The following ERICH3 variants were observed in gnomAD, a reference collection of about 807,000 sequenced individuals.
ERICH3 encodes the protein glutamate rich 3.
ERICH3 carries 126 observed loss-of-function variants against 131.1 expected under a neutral mutation model. The observed-to-expected ratio is 0.96, with a 90% CI of 0.83 to 1.11. The LOEUF is 1.11. ERICH3 is among the 50% of genes most tolerant of loss of function. The probability of loss-of-function intolerance (pLI) is 0.00; values close to 1 mark genes in which losing one functional copy is unlikely to be tolerated. For synonymous variants in ERICH3, 695 were observed against 644.6 expected, an observed-to-expected ratio of 1.08 and a Z score of -1.18; for missense variants, 2,050 against 1,810.7, an observed-to-expected ratio of 1.13 and a Z score of -2.40.
chr1:74,644,098 G>A (rs1406478910), intron 3 of ERICH3, among the ~76,000 whole-genome samples: 1 of 151,984 alleles, frequency 6.6e-6, no homozygotes, highest in African/African-American at 2.4e-5. Flanking sequence ...ATATTTGAGA[G>A]TGTTTTATTC....
At chr1:74,648,447 G>A (rs1162674136) in intron 2 of ERICH3, among the ~76,000 whole-genome samples, 4 of 152,054 alleles carry the variant, frequency 2.6e-5, no homozygotes, top group South Asian at 4.1e-4. Flanking sequence ...TGGCAAGCTC[G>A]GTTTCAGCCA....
At position 74,594,699 on chromosome 1, in the gene ERICH3, G is replaced by A. The variant is rs542401636; in HGVS notation, c.1727-4619C>T. 2.6e-5 allele frequency among the ~76,000 whole-genome samples: 4 copies of A among 152,184 alleles called. No homozygotes were observed. In the South Asian group the frequency reaches 8.3e-4, roughly 32 times the overall value. ...TTGGTTCACTCTAACAGTGACTGCT[G>A]ATAACTCTCTCAGAAACTATTGCCA... On this transcript the variant is annotated intron_variant, in intron 11 of 14. Transcript: ENST00000326665.
intron 1 of ERICH3, among the ~76,000 whole-genome samples, chr1:74,656,450 G>A (rs145434001): frequency 7.9e-5 from 12 of 152,228 alleles, no homozygotes; most frequent in South Asian, 2.1e-4. Context: ...ATCGCATGGC[G>A]GAAGGTGGAA....
intron 7 of ERICH3, among the ~76,000 whole-genome samples, chr1:74,627,789 A>G (rs1649466691): frequency 6.6e-6 from 1 of 152,152 alleles, no homozygotes; most frequent in African/African-American, 2.4e-5. Flanking sequence ...TTGAAGACAA[A>G]CTGTATAGCC....
rs750379519 is a variant in ERICH3, at chr1:74,571,386, A to G, written c.4324T>C (p.Ser1442Pro). The G allele has an allele frequency of 6.2e-7, 1 of 1,613,644 alleles. No homozygotes were observed. Among genetic ancestry groups the G allele is most frequent in the Non-Finnish European group, 8.5e-7 (1 of 1,179,910 alleles). Residue 1442 changes from serine to proline, a missense_variant, in exon 14 of 15, where the codon TCA becomes CCA. By Grantham distance (74) the Ser-to-Pro change is moderately conservative (BLOSUM62 -1). Transcript: ENST00000326665. ...TCCTCTTGCTCCTGTCCTAGCCCTG[A>G]GGTCTTCCGCTCCAGGGCTCCTGGA... ...GTPGALERKT[S>P]GLGQEQEEGS...
chr1:74,645,878 A>G (rs1646478426), intron 3 of ERICH3, among the ~76,000 whole-genome samples: 1 of 152,064 alleles, frequency 6.6e-6, no homozygotes, highest in African/African-American at 2.4e-5. Context: ...TGATGATTCT[A>G]CAGTTGTTCA....
intron 1 of ERICH3, among the ~76,000 whole-genome samples, chr1:74,665,625 G>C (rs12083561): frequency 0.048 from 7,296 of 152,172 alleles, 199 homozygotes; most frequent in East Asian, 0.076. Flanking sequence ...TCTTCTGAGG[G>C]CCATGAGAGA....
Position 74,572,279 on chromosome 1 carries a change from A to G in ERICH3, c.3431T>C (p.Leu1144Pro). 1.9e-6 allele frequency: 3 copies of G among 1,614,046 alleles called. No individual in the cohort carries two copies. Among genetic ancestry groups the G allele is most frequent in the Non-Finnish European group, 2.5e-6 (3 of 1,180,022 alleles). ...TGTCTCTTTTAGTGAATCTTCTCCTAGAAGCCCTGGATTGTCAGACAACTC... is the reference window on the plus strand; with the variant it reads ...TGTCTCTTTTAGTGAATCTTCTCCTGGAAGCCCTGGATTGTCAGACAACTC... ...ASELSDNPGL[L>P]GEDSLKETVV... Residue 1144 changes from leucine (L) to proline (P), a missense_variant, in exon 14 of 15, where the codon CTA becomes CCA. Physicochemically the swap from Leu to Pro is moderately conservative, Grantham distance 98. Transcript: ENST00000326665.
At chr1:74,666,639 A>T (rs1023516892) in intron 1 of ERICH3, among the ~76,000 whole-genome samples, 5 of 152,192 alleles carry the variant, frequency 3.3e-5, no homozygotes, top group African/African-American at 1.2e-4. Context: ...CTTGTGTAAG[A>T]AGAGAGTGAT....
Position 74,643,098 on chromosome 1 carries a change from G to A in ERICH3, c.244C>T (p.Arg82Cys), listed in dbSNP as rs189806920. Residue 82 changes from arginine (R) to cysteine (C), a missense_variant and splice_region_variant, in exon 4 of 15, where the codon CGT becomes TGT. By Grantham distance (180) the Arg-to-Cys change is radical. Transcript: ENST00000326665. ...AIFHKVLDME[R>C]YHQLEIKKKL... is the part of the protein sequence containing the mutation. ...TTTTTTATTTCAAGCTGATGGTAAC[G>A]CTAAGCATACAGGAAAGAATAAAGG... 2.1e-5 allele frequency: 33 copies of A among 1,608,216 alleles called. No individual in the cohort carries two copies. The East Asian group carries it at 4.5e-4, about 22-fold the overall frequency.
At chr1:74,616,157 A>T (rs1007079162) in intron 8 of ERICH3, among the ~76,000 whole-genome samples, 1 of 151,898 alleles carries the variant, frequency 6.6e-6, no homozygotes, top group African/African-American at 2.4e-5. Context: ...ACACACCACC[A>T]TGGCCAGCTA....
chr1:74,609,441 G>A (rs1648582450), intron 9 of ERICH3, among the ~76,000 whole-genome samples: 1 of 151,984 alleles, frequency 6.6e-6, no homozygotes, highest in African/African-American at 2.4e-5. Flanking sequence ...ATAACTAAAA[G>A]TATCATTATG....
chr1:74,634,965 C>T, intron 6 of ERICH3: 2 of 349,102 alleles, frequency 5.7e-6, no homozygotes, highest in East Asian at 4.4e-5. Context: ...TATATGTCTG[C>T]CTACTAGGGG....
At chr1:74,669,837 C>G (rs1481163599) in intron 1 of ERICH3, among the ~76,000 whole-genome samples, 1 of 152,186 alleles carries the variant, frequency 6.6e-6, no homozygotes, top group Non-Finnish European at 1.5e-5. Flanking sequence ...GAGAAGGAAT[C>G]AGGACATCAT....
intron 1 of ERICH3, among the ~76,000 whole-genome samples, chr1:74,665,439 C>T (rs1245359051): frequency 6.6e-6 from 1 of 152,168 alleles, no homozygotes; most frequent in Admixed American, 6.5e-5. Context: ...CTGCATTTCT[C>T]ATAAAAACCA....
intron 10 of ERICH3, among the ~76,000 whole-genome samples, chr1:74,606,136 A>G (rs1648381681): frequency 6.6e-6 from 1 of 151,730 alleles, no homozygotes; most frequent in African/African-American, 2.4e-5. Flanking sequence ...AAAAAAGCAG[A>G]CAGATAGGTT....
chr1:74,655,055 T>C (rs1646571984), intron 1 of ERICH3, among the ~76,000 whole-genome samples: 1 of 152,150 alleles, frequency 6.6e-6, no homozygotes, highest in Admixed American at 6.6e-5. Context: ...TAACTTTCCT[T>C]CATAATTTTA....
chr1:74,595,040 C>T (rs1374438308), intron 11 of ERICH3, among the ~76,000 whole-genome samples: 1 of 152,064 alleles, frequency 6.6e-6, no homozygotes, highest in East Asian at 1.9e-4. Context: ...TAATACCATC[C>T]AATTCTCTCC....
At chr1:74,673,368 T>A (rs1476644974) in intron 1 of ERICH3, 129 bp downstream of exon 1, 1 of 1,062,250 alleles carries the variant, frequency 9.4e-7, no homozygotes, top group Admixed American at 2.6e-5. Context: ...TTCGTATATA[T>A]TTTCCTCTCC....
Sources: allele counts gnomAD v4.1 joint callset (sites outside exome capture counted in the v4.1 genomes callset), GRCh38; gene constraint gnomAD v4.1.1; transcripts MANE v1.5; gene names NCBI Gene and HGNC (gene_info 2026-07-23, HGNC 2026-07-21).